The following FANCB variants were observed in gnomAD, a reference collection of about 807,000 sequenced individuals.
The protein encoded by FANCB is Fanconi anemia group B protein.
Under a neutral mutation model 38.9 loss-of-function variants are expected in FANCB, and 5 were observed. The ratio of observed to expected loss-of-function variants is 0.13; its 90% CI spans 0.07 to 0.27. FANCB has a LOEUF of 0.27. Ranked by LOEUF, FANCB falls within the 10% of genes least tolerant of loss-of-function variation. The pLI is 1.00. For missense variants in FANCB, 573 were observed against 602.7 expected (o/e 0.95, Z 0.52); for synonymous variants, 236 against 215.4 (o/e 1.10, Z -0.84).
chrX:14,775,160 G>GTTTTTTTTT, the FANCB span, among the ~76,000 whole-genome samples: 6 of 35,001 alleles, frequency 1.7e-4, 1 homozygote, highest in Non-Finnish European at 3.0e-4. Context: ...TTTCTCTAAT[G>GTTTTTTTTT]TTTTTTTTTT....
chrX:14,825,510 C>A, the FANCB span, among the ~76,000 whole-genome samples: 1 of 112,137 alleles, frequency 8.9e-6, no homozygotes, highest in Admixed American at 9.5e-5. Context: ...TCAGATATTG[C>A]ATTTTTTAGT....
chrX:14,736,445 C>T, the FANCB span, among the ~76,000 whole-genome samples: 1 of 111,748 alleles, frequency 8.9e-6, no homozygotes, highest in African/African-American at 3.3e-5. Context: ...TGAAATGCAC[C>T]ATTCCTCACA....
chrX:14,691,330 C>T, the FANCB span, among the ~76,000 whole-genome samples: 1 of 63,788 alleles, frequency 1.6e-5, no homozygotes. Context: ...TGTGTGCGCG[C>T]GTGCGTGCGT....
intron 3 of FANCB, chrX:14,862,246 A>T (rs994543108): frequency 9.0e-6 from 1 of 111,696 alleles, no homozygotes; most frequent in African/African-American, 3.3e-5. Flanking sequence ...ACTTTGAAGC[A>T]CTTACTTGTA....
At chrX:14,864,147 AAAAAAT>A (rs2092458451) in intron 3 of FANCB, among the ~76,000 whole-genome samples, 1 of 111,240 alleles carries the variant, frequency 9.0e-6, no homozygotes, top group African/African-American at 3.3e-5. Flanking sequence ...AAAAAATATA[AAAAAAT>A]AAAAATAAAA....
In FANCB at chrX:14,845,028, T is replaced by C. The variant is rs745472535; in HGVS notation, c.1755A>G (p.Ser585=). The change falls in exon 8 of 10, where the codon TCA becomes TCG. Residue 585 remains serine (S), a synonymous_variant. Transcript: ENST00000650831. Reference sequence around the variant, plus strand: ...AAAATTTACTGAATGTTAAAAGTGGTGAAAGAGATGTTACAGCAGTAATTA... The same window carrying C: ...AAAATTTACTGAATGTTAAAAGTGGCGAAAGAGATGTTACAGCAGTAATTA... ...VQIITAVTSL[S]PLLTFSKFCC... 27 of 1,207,798 alleles carry C rather than the reference T, an allele frequency of 2.2e-5. No homozygotes were observed. The highest frequency in any genetic ancestry group is 2.7e-5 in the Non-Finnish European group (24 of 893,050).
downstream of FANCB, among the ~76,000 whole-genome samples, chrX:14,839,321 A>C (rs192588174): frequency 1.9e-3 from 206 of 111,053 alleles, 2 homozygotes; most frequent in Middle Eastern, 4.6e-3. Context: ...ACAACAACAA[A>C]AAAAACGGAA....
chrX:14,871,307 G>T (rs2092495318), intron 1 of FANCB, among the ~76,000 whole-genome samples: 1 of 111,483 alleles, frequency 9.0e-6, no homozygotes, highest in Non-Finnish European at 1.9e-5. Context: ...CAGTGTTAAA[G>T]GTGTGAGTGA....
At chrX:14,703,990 A>G in the FANCB span, among the ~76,000 whole-genome samples, 2 of 111,672 alleles carry the variant, frequency 1.8e-5, no homozygotes, top group Admixed American at 9.5e-5. Context: ...GAGAGAACAA[A>G]AACAAACTAA....
chrX:14,715,490 C>A, the FANCB span, among the ~76,000 whole-genome samples: 1 of 111,630 alleles, frequency 9.0e-6, no homozygotes, highest in Admixed American at 9.6e-5. Context: ...CGGGCCCCTG[C>A]ACTTGAAAGT....
At chrX:14,731,834 T>A in the FANCB span, 1 of 112,085 alleles carries the variant, frequency 8.9e-6, no homozygotes, top group South Asian at 3.7e-4. Flanking sequence ...GCTTTCGTTT[T>A]CATTTTTGAA....
At chrX:14,835,109 T>C (rs2092337778), downstream of FANCB, 1 of 542,290 alleles carries the variant, frequency 1.8e-6, no homozygotes. Flanking sequence ...TTAACTTTAA[T>C]TGGACTGCCT....
rs1388468488 is a variant in FANCB at position 14,836,196 on chromosome X, C to T, written c.*1626G>A. 3 of 111,978 alleles carry T rather than the reference C, an allele frequency of 2.7e-5. No homozygotes were observed. The Admixed American group carries it at 2.8e-4, about 11-fold the overall frequency. The allele number at this position is 111,978 out of a possible 1,213,427, so 9.2% of individuals were successfully genotyped here. A position where few individuals can be genotyped will look rare whatever the true frequency, so the allele number is the denominator to read the frequency against. The stretch of plus-strand genomic sequence containing the variant: ...AAAATATAAATACTCTATGATTCCA[C>T]TCACATGAAGTATCTAAAGTAGTCA... On this transcript the variant is annotated 3_prime_UTR_variant and NMD_transcript_variant, in exon 11 of 11. Transcript: ENST00000643728.
the FANCB span, among the ~76,000 whole-genome samples, chrX:14,811,755 C>G: frequency 9.1e-6 from 1 of 109,847 alleles, no homozygotes; most frequent in Admixed American, 9.6e-5. Context: ...GACAGATCAA[C>G]GAGACAGAAA....
chrX:14,804,000 A>G, the FANCB span, among the ~76,000 whole-genome samples: 1,248 of 111,467 alleles, frequency 0.011, 14 homozygotes, highest in African/African-American at 0.038. Context: ...GCTGGAGAGG[A>G]TGTGGAGAAA....
At chrX:14,755,694 A>G in the FANCB span, among the ~76,000 whole-genome samples, 1 of 111,922 alleles carries the variant, frequency 8.9e-6, no homozygotes, top group Non-Finnish European at 1.9e-5. Context: ...CATGAATTAG[A>G]ATAATTAATA....
the FANCB span, chrX:14,730,891 T>TACACACACACAC: frequency 2.1e-5 from 2 of 97,401 alleles, no homozygotes; most frequent in African/African-American, 9.2e-5. Flanking sequence ...AAGTTAGCTA[T>TACACACACACAC]ACACACACAC....
In FANCB at chrX:14,844,728, T is replaced by A. The variant is rs1272423580; in HGVS notation, c.1940A>T (p.Asp647Val). The A allele has an allele frequency of 8.3e-7, 1 of 1,205,445 alleles. No individual in the cohort carries two copies. The highest frequency in any genetic ancestry group is 1.1e-6 in the Non-Finnish European group (1 of 889,615). ...PKKKPIEHMEDLFALLAAFHK... is the reference protein window; with the variant it reads ...PKKKPIEHMEVLFALLAAFHK... Reference sequence around the variant, plus strand: ...GAATGCTGCAAGAAGTGCAAAAAGATCTTCCATGTGCTCTACAAAAAAAGT... The same window carrying A: ...GAATGCTGCAAGAAGTGCAAAAAGAACTTCCATGTGCTCTACAAAAAAAGT... The change falls in exon 9 of 10, where the codon GAT becomes GTT. Residue 647 changes from aspartate (D) to valine (V), a missense_variant. By Grantham distance (152) the Asp-to-Val change is radical. Transcript: ENST00000650831.
chrX:14,726,313 C>T, the FANCB span, among the ~76,000 whole-genome samples: 7 of 111,810 alleles, frequency 6.3e-5, no homozygotes, highest in African/African-American at 2.3e-4. Context: ...GAATCAAAAC[C>T]ATCTCCTTTG....
Sources: gnomAD v4.1 joint callset for allele counts (sites outside exome capture counted in the v4.1 genomes callset) on GRCh38, gnomAD v4.1.1 for gene constraint, MANE v1.5 for transcripts, NCBI Gene and HGNC (gene_info 2026-07-23, HGNC 2026-07-21) for gene names.